TMA16: variants seen among roughly 807,000 people sequenced by gnomAD.
The protein encoded by TMA16 is translation machinery associated 16 homolog.
Under a neutral mutation model 27.1 loss-of-function variants are expected in TMA16, and 26 were observed. The ratio of observed to expected loss-of-function variants is 0.96; its 90% CI spans 0.70 to 1.33. TMA16 has a LOEUF of 1.33. Ranked by LOEUF, TMA16 falls within the 40% of genes most tolerant of loss-of-function variation. The pLI is 0.00. For missense variants in TMA16, 233 were observed against 241.4 expected, an observed-to-expected ratio of 0.97 and a Z score of 0.23; for synonymous variants, 71 against 81.9, an observed-to-expected ratio of 0.87 and a Z score of 0.72.
chr4:163,495,242 C>T lies in TMA16; in HGVS notation c.3+438C>T, dbSNP rs551124459. ...GGCGTCCGTTCACCTCTCGTTAGTG[C>T]CCTGAATCCTGCCGTTACGCCCCCA... On this transcript the variant is annotated intron_variant, in intron 1 of 6. Transcript: ENST00000358572. 9.2e-5 allele frequency among the ~76,000 whole-genome samples: 14 copies of T among 152,316 alleles called. No homozygotes were observed. In the South Asian group the frequency reaches 2.9e-3, roughly 32 times the overall value.
chr4:163,506,542 A>G (rs1032823339), intron 1 of TMA16, among the ~76,000 whole-genome samples: 3 of 152,132 alleles, frequency 2.0e-5, no homozygotes, highest in Non-Finnish European at 4.4e-5. Flanking sequence ...GATGGCTTCT[A>G]TTATTTTCTC....
intron 6 of TMA16, among the ~76,000 whole-genome samples, chr4:163,518,600 T>C (rs1460832330): frequency 6.6e-6 from 1 of 152,216 alleles, no homozygotes; most frequent in Non-Finnish European, 1.5e-5. Flanking sequence ...AGGGGTCTTA[T>C]ATTTAATGTT....
chr4:163,515,784 ACT>A (rs1737867656), intron 5 of TMA16: 3 of 182,962 alleles, frequency 1.6e-5, no homozygotes, highest in South Asian at 2.5e-4. Flanking sequence ...GATTTCTCAA[ACT>A]CTCTACTTGC....
At position 163,518,029 on chromosome 4, in the gene TMA16, T is replaced by C. The variant is rs1737911182; in HGVS notation, c.431+553T>C. ...AAATTCAGAGGTACATGAGTAGGTT[T>C]ATTACAAAGGTGTACTGTGTAATGT... On this transcript the variant is annotated intron_variant, in intron 6 of 6. Transcript: ENST00000358572. 2.6e-5 allele frequency among the ~76,000 whole-genome samples: 4 copies of C among 152,170 alleles called. 1 individual carries two copies. In the South Asian group the frequency reaches 8.3e-4, roughly 31 times the overall value.
intron 2 of TMA16, among the ~76,000 whole-genome samples, chr4:163,509,377 A>G (rs923438125): frequency 2.0e-5 from 3 of 152,224 alleles, no homozygotes; most frequent in Non-Finnish European, 4.4e-5. Context: ...CTTAGAAATG[A>G]ATAGCAGTTA....
intron 2 of TMA16, among the ~76,000 whole-genome samples, chr4:163,510,258 C>T (rs1260419274): frequency 5.9e-5 from 9 of 152,100 alleles, no homozygotes; most frequent in Non-Finnish European, 1.2e-4. Context: ...TATAATAAAG[C>T]GAACACATTT....
At chr4:163,498,740 C>G (rs1737601763) in intron 1 of TMA16, among the ~76,000 whole-genome samples, 1 of 152,210 alleles carries the variant, frequency 6.6e-6, no homozygotes, top group African/African-American at 2.4e-5. Context: ...TCATAGCTAG[C>G]TCGCTGCAGC....
At chr4:163,504,733 A>G (rs933392306) in intron 1 of TMA16, among the ~76,000 whole-genome samples, 18 of 152,174 alleles carry the variant, frequency 1.2e-4, no homozygotes, top group African/African-American at 4.1e-4. Context: ...CCAGGCCACA[A>G]GTGATTCCAC....
intron 1 of TMA16, among the ~76,000 whole-genome samples, chr4:163,499,728 A>G (rs1342319355): frequency 6.6e-6 from 1 of 151,622 alleles, no homozygotes; most frequent in Non-Finnish European, 1.5e-5. Flanking sequence ...AATTTTTATT[A>G]TTTTTATTGT....
At chr4:163,507,350 G>A (rs1013589735) in intron 2 of TMA16, among the ~76,000 whole-genome samples, 1 of 152,164 alleles carries the variant, frequency 6.6e-6, no homozygotes, top group African/African-American at 2.4e-5. Flanking sequence ...GTAGCAGTAG[G>A]TGATGAGTGC....
intron 1 of TMA16, among the ~76,000 whole-genome samples, chr4:163,498,541 C>G (rs1737597357): frequency 6.6e-6 from 1 of 152,144 alleles, no homozygotes; most frequent in Non-Finnish European, 1.5e-5. Context: ...CCCGCCTCGG[C>G]CTCCCAAAGT....
intron 6 of TMA16, 127 bp downstream of exon 6, chr4:163,517,603 T>C (rs1737901376): frequency 6.2e-6 from 5 of 803,768 alleles, no homozygotes; most frequent in Admixed American, 3.1e-5. Context: ...TTTTCTTTTT[T>C]ATCTGACCAA....
chr4:163,498,948 TG>T (rs1274614766), intron 1 of TMA16, among the ~76,000 whole-genome samples: 1 of 152,194 alleles, frequency 6.6e-6, no homozygotes, highest in African/African-American at 2.4e-5. Context: ...CAGAAGCCAC[TG>T]TGTTTAGCCC....
intron 2 of TMA16, 44 bp from the exon 3 acceptor site, chr4:163,512,778 G>T: frequency 1.3e-6 from 2 of 1,509,094 alleles, no homozygotes; most frequent in East Asian, 2.3e-5. Context: ...TTTAAAACTT[G>T]CTTTGGAAAT....
In TMA16 at chr4:163,519,860, C is replaced by G. The variant is rs1737942935; in HGVS notation, c.*346C>G. On this transcript the variant is annotated 3_prime_UTR_variant, in exon 7 of 7. Coordinates refer to ENST00000358572, the MANE Select transcript of TMA16 (RefSeq NM_018352.3). ...TCACGTTTTGTGAAATGGACAGTAA[C>G]CTGTTTCCTGAAAGATTCCTGTGGG... 3 of 525,830 alleles carry G rather than the reference C, an allele frequency of 5.7e-6. 1 individual carries two copies. In the South Asian group the frequency reaches 6.0e-5, roughly 11 times the overall value. The allele number at this position is 525,830 out of a possible 1,614,324, so 32.6% of individuals were successfully genotyped here.
chr4:163,504,779 A>G (rs891911886), intron 1 of TMA16, among the ~76,000 whole-genome samples: 1 of 152,178 alleles, frequency 6.6e-6, no homozygotes, highest in Non-Finnish European at 1.5e-5. Flanking sequence ...GATTACAGGC[A>G]TGAGCCACCA....
At chr4:163,500,473 A>T (rs1400889077) in intron 1 of TMA16, among the ~76,000 whole-genome samples, 10 of 152,062 alleles carry the variant, frequency 6.6e-5, no homozygotes, top group Non-Finnish European at 1.2e-4. Flanking sequence ...AGCTTCCCAA[A>T]GTGCTGGGGT....
At chr4:163,516,105 A>G (rs1341030366) in intron 5 of TMA16, 1 of 152,386 alleles carries the variant, frequency 6.6e-6, no homozygotes, top group African/African-American at 2.4e-5. Context: ...TTCCTGCTAA[A>G]GTCTGTTCAA....
At chr4:163,497,559 C>G (rs2110786021) in intron 1 of TMA16, among the ~76,000 whole-genome samples, 1 of 152,226 alleles carries the variant, frequency 6.6e-6, no homozygotes, top group East Asian at 1.9e-4. Flanking sequence ...ATGAATTTTT[C>G]TGTTTCTAGA....
Sources: gnomAD v4.1 joint callset for allele counts (sites outside exome capture counted in the v4.1 genomes callset) on GRCh38, gnomAD v4.1.1 for gene constraint, MANE v1.5 for transcripts, NCBI Gene and HGNC (gene_info 2026-07-23, HGNC 2026-07-21) for gene names.